ACSL6: variants seen among roughly 807,000 people sequenced by gnomAD.
ACSL6 encodes the protein long-chain-fatty-acid--CoA ligase 6.
In ACSL6, 47 loss-of-function variants were observed where a neutral mutation model predicts 98.2. The observed-to-expected ratio is 0.48, with a 90% CI of 0.38 to 0.61. The LOEUF is 0.61. ACSL6 is among the 20% of genes least tolerant of loss of function. ACSL6 has a pLI of 0.00. For synonymous variants in ACSL6, 362 were observed against 336.9 expected (o/e 1.07, Z -0.82); for missense variants, 761 against 913.4 (o/e 0.83, Z 2.15).
At chr5:131,960,892 T>C in intron 18 of ACSL6, 2 of 296,446 alleles carry the variant, frequency 6.7e-6, no homozygotes, top group Non-Finnish European at 1.2e-5. Context: ...CAATCTCAAA[T>C]CAGCACATCT....
chr5:131,956,433 C>G (rs1580618900), intron 20 of ACSL6, among the ~76,000 whole-genome samples: 1 of 152,146 alleles, frequency 6.6e-6, no homozygotes, highest in African/African-American at 2.4e-5. Flanking sequence ...TTAAATACAG[C>G]CTTGCAGAAG....
chr5:131,970,459 G>A (rs1187216464), intron 14 of ACSL6, among the ~76,000 whole-genome samples: 1 of 151,564 alleles, frequency 6.6e-6, no homozygotes, highest in East Asian at 1.9e-4. Flanking sequence ...GCCCAGGCTG[G>A]AGTGCAATGG....
In ACSL6 at chr5:131,973,343, G is replaced by A; in HGVS notation, c.1126C>T (p.Leu376Phe). 2 of 1,614,226 alleles carry A rather than the reference G, an allele frequency of 1.2e-6. No homozygotes were observed. Among genetic ancestry groups the A allele is most frequent in the Non-Finnish European group, 1.7e-6 (2 of 1,180,036 alleles). Residue 376 changes from leucine (L) to phenylalanine (F), a missense_variant, in exon 12 of 21, where the codon CTC (leucine) becomes TTC (phenylalanine). Leu to Phe is a conservative substitution (Grantham distance 22). Coordinates refer to ENST00000651883, the MANE Select transcript of ACSL6 (RefSeq NM_001009185.3). The part of the protein sequence containing the change: ...VGFFQGDIRL[L>F]SDDMKALCPT... ...CATAGAGCCTTCATGTCATCTGAGA[G>A]AAGGCGGATATCTCCCTGGAAGAAG...
intron 1 of ACSL6, among the ~76,000 whole-genome samples, chr5:132,007,313 T>A (rs1278225453): frequency 3.3e-5 from 5 of 152,244 alleles, no homozygotes; most frequent in African/African-American, 4.8e-5. Context: ...CCCAGCAGAA[T>A]TGGTCCTTCA....
intron 17 of ACSL6, 107 bp from the exon 18 acceptor site, chr5:131,962,785 C>A (rs1752780765): frequency 1.5e-6 from 2 of 1,304,540 alleles, no homozygotes; most frequent in African/African-American, 1.5e-5. Context: ...CAGACCCCAC[C>A]CCGATTTCTT....
chr5:132,000,966 C>T (rs1029752144), intron 1 of ACSL6, among the ~76,000 whole-genome samples: 2 of 152,120 alleles, frequency 1.3e-5, no homozygotes, highest in Non-Finnish European at 2.9e-5. Context: ...ATGAGAAGAG[C>T]GTCCTGCCTC....
intron 12 of ACSL6, 103 bp from the exon 13 acceptor site, chr5:131,972,961 T>C: frequency 6.5e-7 from 1 of 1,534,768 alleles, no homozygotes; most frequent in Non-Finnish European, 8.8e-7. Flanking sequence ...GAAGCCATGT[T>C]CCATTTTGCC....
chr5:131,977,468 C>G (rs1157900893), intron 9 of ACSL6, among the ~76,000 whole-genome samples: 1 of 152,166 alleles, frequency 6.6e-6, no homozygotes, highest in Non-Finnish European at 1.5e-5. Context: ...CCGGACAGAT[C>G]TGACAGGGCT....
chr5:131,983,324 G>C (rs1162764269), intron 9 of ACSL6: 2 of 152,142 alleles, frequency 1.3e-5, no homozygotes, highest in Non-Finnish European at 2.9e-5. Context: ...AGGCCTTCTT[G>C]GCCTGAATAG....
At chr5:131,965,269 A>G (rs903672596) in intron 17 of ACSL6, among the ~76,000 whole-genome samples, 20 of 152,304 alleles carry the variant, frequency 1.3e-4, no homozygotes, top group Non-Finnish European at 2.1e-4. Flanking sequence ...TCCAGGCAAG[A>G]GTGCTCAGTG....
Position 131,988,084 on chromosome 5 carries a change from C to A in ACSL6, c.795G>T (p.Lys265Asn), listed in dbSNP as rs1192727087. 1.2e-6 allele frequency: 2 copies of A among 1,614,080 alleles called. No individual in the cohort carries two copies. The highest frequency in any genetic ancestry group is 4.5e-5 in the East Asian group (2 of 44,894). ...FEEALKERGQ[K>N]CGVVIKSMQA... ...GCATGGACTTAATGACCACCCCGCA[C>A]TTCTGCCCTCTCTCTTTCAGGGCTT... The change falls in exon 7 of 21, where the codon AAG (lysine) becomes AAT (asparagine). Residue 265 changes from lysine (K) to asparagine (N), a missense_variant. Coordinates refer to ENST00000651883, the MANE Select transcript of ACSL6 (RefSeq NM_001009185.3).
At chr5:131,977,019 C>T (rs1450124437) in intron 9 of ACSL6, among the ~76,000 whole-genome samples, 2 of 152,248 alleles carry the variant, frequency 1.3e-5, no homozygotes, top group Admixed American at 6.5e-5. Flanking sequence ...GCCTTATCCT[C>T]TCCCGTCTTC....
In ACSL6 at chr5:131,977,104, G is replaced by C. The variant is rs547164093; in HGVS notation, c.917-383C>G. On this transcript the variant is annotated intron_variant, in intron 9 of 20. Transcript: ENST00000651883. ...GCTCTGTACTACTCCCTGGGCCTGAGTGGGCCTGGTCTCCTGAGTCCAGCA... is the reference window on the plus strand; with the variant it reads ...GCTCTGTACTACTCCCTGGGCCTGACTGGGCCTGGTCTCCTGAGTCCAGCA... Among the ~76,000 whole-genome samples the C allele has an allele frequency of 3.2e-3, 490 of 152,314 alleles. 4 individuals are homozygous for C. Among genetic ancestry groups the C allele is most frequent in the Non-Finnish European group, 5.2e-3 (357 of 68,030 alleles).
At chr5:131,959,340 G>A (rs1005604516) in intron 20 of ACSL6, among the ~76,000 whole-genome samples, 196 bp downstream of exon 20, 3 of 152,234 alleles carry the variant, frequency 2.0e-5, no homozygotes, top group African/African-American at 7.2e-5. Flanking sequence ...AAGGATGGGT[G>A]CAATCTCTTT....
In ACSL6 at chr5:131,966,458, G is replaced by A. The variant is rs777016096; in HGVS notation, c.1671C>T (p.Ser557=). Residue 557 remains serine, a synonymous_variant, in exon 17 of 21, where the codon AGC becomes AGT. Transcript: ENST00000651883. ...DPDRTKEALD[S]DGWLHTGDIG... Reference sequence around the variant, plus strand: ...TGTCTCCAGTGTGAAGCCAGCCATCGCTGTCCAGGGCCTCCTTCGTCCTGT... The same window carrying A: ...TGTCTCCAGTGTGAAGCCAGCCATCACTGTCCAGGGCCTCCTTCGTCCTGT... 45 of 1,614,038 alleles carry A rather than the reference G, an allele frequency of 2.8e-5. No individual in the cohort carries two copies. Among genetic ancestry groups the A allele is most frequent in the Non-Finnish European group, 3.6e-5 (42 of 1,180,038 alleles).
rs1238387567 is a variant in ACSL6, at chr5:132,004,854, G to A, written c.49+6651C>T. ...GGGAGTTGGCCTACAGAATATGCAT[G>A]AGTTGGCTGGGCATGGTGGCTCACA... is the stretch of plus-strand genomic sequence containing the variant. On this transcript the variant is annotated intron_variant, in intron 1 of 20. Transcript: ENST00000651883. 2.0e-5 allele frequency among the ~76,000 whole-genome samples: 3 copies of A among 152,270 alleles called. No individual in the cohort carries two copies. In the East Asian group the frequency reaches 5.8e-4, roughly 29 times the overall value.
chr5:131,966,791 C>A lies in ACSL6; in HGVS notation c.1597-259G>T, dbSNP rs939934966. ...TTTGTCATCTCTTCTCCCTCAGGAG[C>A]CCTCTGGCCTTGGCCACATGCTGCT... On this transcript the variant is annotated intron_variant, in intron 16 of 20. Transcript: ENST00000651883. 2.6e-5 allele frequency among the ~76,000 whole-genome samples: 4 copies of A among 152,244 alleles called. No homozygotes were observed. The South Asian group carries it at 8.3e-4, about 31-fold the overall frequency.
chr5:131,958,031 GA>G (rs1752509169), intron 20 of ACSL6, among the ~76,000 whole-genome samples: 1 of 152,224 alleles, frequency 6.6e-6, no homozygotes, highest in Non-Finnish European at 1.5e-5. Flanking sequence ...AAGGCATGTG[GA>G]AAGTCAAGAA....
rs1344000530 is a variant in ACSL6, at chr5:131,970,241, C to T, written c.1435-41G>A. On this transcript the variant is annotated intron_variant, in intron 14 of 20. Coordinates refer to ENST00000651883, the MANE Select transcript of ACSL6 (RefSeq NM_001009185.3). ...AGAAGCCACACTATGGGCACACACC[C>T]TCCAAGAGCTAACTGGCCACCCCTT... The T allele has an allele frequency of 2.5e-6, 4 of 1,595,780 alleles. No homozygotes were observed. The African/African-American group carries it at 4.0e-5, about 16-fold the overall frequency.
Sources: gnomAD v4.1 joint callset for allele counts (sites outside exome capture counted in the v4.1 genomes callset) on GRCh38, gnomAD v4.1.1 for gene constraint, MANE v1.5 for transcripts, NCBI Gene and HGNC (gene_info 2026-07-23, HGNC 2026-07-21) for gene names.